CCDC144A: variants seen among roughly 807,000 people sequenced by gnomAD.
The protein encoded by CCDC144A is coiled-coil domain-containing protein 144A.
A neutral mutation model predicts 143.8 loss-of-function variants in CCDC144A; 41 were observed. That is an observed-to-expected ratio of 0.29 (90% confidence interval 0.22 to 0.37). The LOEUF is 0.37. CCDC144A is among the 10% of genes least tolerant of loss of function. The pLI, the probability that CCDC144A is intolerant of heterozygous loss-of-function variation, is 1.00. For synonymous variants in CCDC144A, 242 were observed against 517.9 expected (o/e 0.47, Z 7.23); for missense variants, 637 against 1,488.8 (o/e 0.43, Z 9.41).
chr17:16,729,513 T>C (rs1913609501), intron 9 of CCDC144A, among the ~76,000 whole-genome samples: 1 of 152,166 alleles, frequency 6.6e-6, no homozygotes, highest in Non-Finnish European at 1.5e-5. Flanking sequence ...TTCTGTAGGT[T>C]CTCTTACTCT....
chr17:16,753,461 A>C (rs1914917631), intron 12 of CCDC144A, among the ~76,000 whole-genome samples: 1 of 64,074 alleles, frequency 1.6e-5, no homozygotes. Context: ...TTTTTTGTAA[A>C]GCTCTTTACA....
At chr17:16,686,911 G>A (rs2349261), upstream of CCDC144A, among the ~76,000 whole-genome samples, 9 of 152,182 alleles carry the variant, frequency 5.9e-5, no homozygotes, top group South Asian at 2.1e-4. Context: ...GGCTCCCCCA[G>A]GCCATCCGCT....
chr17:16,748,897 T>C (rs1472212157), intron 12 of CCDC144A, among the ~76,000 whole-genome samples: 3 of 152,168 alleles, frequency 2.0e-5, no homozygotes, highest in African/African-American at 2.4e-5. Context: ...TCTCTGAGGA[T>C]CTTTTGTATT....
intron 2 of CCDC144A, among the ~76,000 whole-genome samples, chr17:16,693,396 A>G (rs1000147940): frequency 1.3e-5 from 2 of 150,964 alleles, no homozygotes; most frequent in African/African-American, 2.4e-5. Context: ...GGCTCACTGC[A>G]GGCTCCACCC....
intron 12 of CCDC144A, 105 bp from the exon 13 acceptor site, chr17:16,761,320 C>T (rs11651726): frequency 0.063 from 89,880 of 1,437,222 alleles, 1,861 homozygotes; most frequent in East Asian, 0.16. Context: ...GGCGACAGAG[C>T]GAGACTCCAT....
chr17:16,738,650 C>T (rs1274711496), intron 12 of CCDC144A, among the ~76,000 whole-genome samples: 1 of 152,290 alleles, frequency 6.6e-6, no homozygotes, highest in East Asian at 1.9e-4. Flanking sequence ...GAGTAATTTT[C>T]CACTGTATGG....
chr17:16,743,312 C>G (rs1480493618), intron 12 of CCDC144A, among the ~76,000 whole-genome samples: 3 of 151,356 alleles, frequency 2.0e-5, no homozygotes, highest in African/African-American at 4.9e-5. Context: ...TTACAGATAC[C>G]CACTTTTCCC....
chr17:16,757,554 A>T (rs1456924125), intron 12 of CCDC144A, among the ~76,000 whole-genome samples: 2 of 152,248 alleles, frequency 1.3e-5, no homozygotes, highest in Non-Finnish European at 2.9e-5. Context: ...TGATAGCAAC[A>T]ATAGCAGCAG....
the CCDC144A span, among the ~76,000 whole-genome samples, chr17:16,669,259 A>G: frequency 0.022 from 3,331 of 152,336 alleles, 109 homozygotes; most frequent in African/African-American, 0.076. Flanking sequence ...TAAGTAGGTC[A>G]GAAAGAGAAG....
In CCDC144A at chr17:16,724,509, C is replaced by CAA. The variant is rs1194753881; in HGVS notation, c.1892-2998_1892-2997dup. On this transcript the variant is annotated intron_variant, in intron 8 of 16. Coordinates refer to ENST00000399273, the MANE Select transcript of CCDC144A (RefSeq NM_001382000.1). ...TGGGAGACAGAGCGAGACTCCGTCT[C>CAA]AAAAAAAAAAAAAAAAAAAAAGATT... 9.2e-3 allele frequency among the ~76,000 whole-genome samples: 607 copies of CAA among 65,744 alleles called. 9 individuals carry two copies. Among genetic ancestry groups the CAA allele is most frequent in the African/African-American group, 0.027 (564 of 20,992 alleles). The allele number at this position is 65,744 out of a possible 152,430, so 43.1% of individuals were successfully genotyped here.
intron 16 of CCDC144A, 39 bp downstream of exon 16, chr17:16,772,058 T>C: frequency 1.4e-6 from 2 of 1,442,174 alleles, no homozygotes; most frequent in Non-Finnish European, 1.9e-6. Context: ...TTAGATTAAG[T>C]AATATATATC....
intron 6 of CCDC144A, among the ~76,000 whole-genome samples, chr17:16,713,247 A>AGT (rs1184276638): frequency 5.9e-5 from 9 of 151,786 alleles, no homozygotes; most frequent in Admixed American, 3.9e-4. Flanking sequence ...GAAAACAGGC[A>AGT]GTGGGCTGGA....
rs1287613614 is a variant in CCDC144A, at chr17:16,773,738, T to C, written c.*105T>C. 8 of 1,271,294 alleles carry C rather than the reference T, an allele frequency of 6.3e-6. No individual in the cohort carries two copies. The highest frequency in any genetic ancestry group is 8.3e-6 in the Non-Finnish European group (8 of 965,706). The allele number at this position is 1,271,294 out of a possible 1,614,324, so 78.8% of individuals were successfully genotyped here. On this transcript the variant is annotated 3_prime_UTR_variant, in exon 17 of 17. Coordinates refer to ENST00000399273, the MANE Select transcript of CCDC144A (RefSeq NM_001382000.1). The stretch of plus-strand genomic sequence containing the variant: ...AGGGAAATATTCTATATTATACATG[T>C]CTGATGAAAATTTATATAGTATTTT...
intron 8 of CCDC144A, among the ~76,000 whole-genome samples, chr17:16,722,671 T>A (rs1913159735): frequency 6.6e-6 from 1 of 152,208 alleles, no homozygotes; most frequent in African/African-American, 2.4e-5. Context: ...CTTCATCTGT[T>A]CATCTTTTCC....
Position 16,722,734 on chromosome 17 carries a change from G to A in CCDC144A, c.1891+2076G>A, listed in dbSNP as rs2621588. Among the ~76,000 whole-genome samples the A allele has an allele frequency of 3.6e-3, 555 of 152,128 alleles. 5 individuals carry two copies. Among genetic ancestry groups the A allele is most frequent in the African/African-American group, 0.013 (530 of 41,480 alleles). ...CACTGACTTTTTTTACTGTGTCTAT[G>A]GTTTTGCCTTTTCCAAAATGTCATT... On this transcript the variant is annotated intron_variant, in intron 8 of 16. Coordinates refer to ENST00000399273, the MANE Select transcript of CCDC144A (RefSeq NM_001382000.1).
chr17:16,760,204 C>T (rs1385863463), intron 12 of CCDC144A, among the ~76,000 whole-genome samples: 17 of 151,478 alleles, frequency 1.1e-4, no homozygotes, highest in South Asian at 2.1e-4. Context: ...CATTGTGTTC[C>T]GGAGAAACCG....
At chr17:16,694,307 T>C (rs1911273451) in intron 2 of CCDC144A, among the ~76,000 whole-genome samples, 1 of 152,212 alleles carries the variant, frequency 6.6e-6, no homozygotes, top group African/African-American at 2.4e-5. Flanking sequence ...AATGGCCAGG[T>C]GTGCTGCCCA....
upstream of CCDC144A, among the ~76,000 whole-genome samples, chr17:16,685,928 C>T (rs1910760367): frequency 6.7e-6 from 1 of 149,610 alleles, no homozygotes; most frequent in South Asian, 2.1e-4. Context: ...CCCACCACCA[C>T]ATCTGGCTAT....
At chr17:16,763,441 CA>C (rs1436774172) in intron 14 of CCDC144A, among the ~76,000 whole-genome samples, 1 of 149,646 alleles carries the variant, frequency 6.7e-6, no homozygotes, top group Non-Finnish European at 1.5e-5. Flanking sequence ...TCTCTAACAA[CA>C]TGTATTGTTT....
Sources: allele counts gnomAD v4.1 joint callset (sites outside exome capture counted in the v4.1 genomes callset), GRCh38; gene constraint gnomAD v4.1.1; transcripts MANE v1.5; gene names NCBI Gene and HGNC (gene_info 2026-07-23, HGNC 2026-07-21).